Variants in FRMD4A observed in about 807,000 individuals in gnomAD.
The protein encoded by FRMD4A is FERM domain-containing protein 4A.
A neutral mutation model predicts 129.1 loss-of-function variants in FRMD4A; 29 were observed. The observed-to-expected ratio is 0.22, with a 90% confidence interval of 0.17 to 0.31. The LOEUF is 0.31. Ranked by LOEUF, FRMD4A falls within the 10% of genes least tolerant of loss-of-function variation. The pLI, the probability that FRMD4A is intolerant of heterozygous loss-of-function variation, is 1.00. For synonymous variants in FRMD4A, 634 were observed against 571.6 expected (o/e 1.11, Z -1.56); for missense variants, 1,272 against 1,375.8 (o/e 0.92, Z 1.19).
chr10:13,679,472 T>TACACACACACAC (rs1169130994), intron 15 of FRMD4A, among the ~76,000 whole-genome samples: 12 of 21,392 alleles, frequency 5.6e-4, no homozygotes, highest in East Asian at 5.8e-3. Flanking sequence ...TATATATATA[T>TACACACACACAC]ATACACACAC....
chr10:14,124,641 A>G (rs1473694866), intron 2 of FRMD4A, among the ~76,000 whole-genome samples: 8 of 152,208 alleles, frequency 5.3e-5, no homozygotes, highest in Non-Finnish European at 1.2e-4. Flanking sequence ...ATGCCACTGC[A>G]TTCCAGCCTG....
intron 2 of FRMD4A, among the ~76,000 whole-genome samples, chr10:14,275,636 T>A (rs1052615781): frequency 7.9e-5 from 12 of 152,246 alleles, no homozygotes; most frequent in African/African-American, 2.9e-4. Context: ...TTCTTATGTA[T>A]AACTAGACTT....
At chr10:13,979,271 G>T (rs972772173) in intron 2 of FRMD4A, among the ~76,000 whole-genome samples, 18 of 152,328 alleles carry the variant, frequency 1.2e-4, no homozygotes, top group Non-Finnish European at 2.2e-4. Flanking sequence ...AAGTTGTAAA[G>T]TGGGGGTCCT....
At position 14,174,337 on chromosome 10, in the gene FRMD4A, G is replaced by A. The variant is rs567296647; in HGVS notation, c.45+155721C>T. ...TCTCTCTTTCCATAATCTGCCTACA[G>A]CTCTCTGTGTACCCTGCTCACTTGA... On this transcript the variant is annotated intron_variant, in intron 2 of 24. Coordinates refer to ENST00000357447, the MANE Select transcript of FRMD4A (RefSeq NM_018027.5). Among the ~76,000 whole-genome samples the A allele has an allele frequency of 3.9e-5, 6 of 152,054 alleles. No homozygotes were observed. The South Asian group carries it at 1.3e-3, about 32-fold the overall frequency.
chr10:14,105,235 A>C (rs1325698722), intron 2 of FRMD4A, among the ~76,000 whole-genome samples: 1 of 152,154 alleles, frequency 6.6e-6, no homozygotes, highest in Non-Finnish European at 1.5e-5. Context: ...ATTGTCATTT[A>C]TAAGCTTGAA....
intron 17 of FRMD4A, among the ~76,000 whole-genome samples, chr10:13,668,715 G>T (rs1175065442): frequency 2.0e-5 from 3 of 152,142 alleles, no homozygotes; most frequent in African/African-American, 4.8e-5. Flanking sequence ...GGGTGTTGGG[G>T]GAACTCCCTA....
chr10:13,971,884 G>A (rs1472896277), intron 2 of FRMD4A: 1 of 1,286,678 alleles, frequency 7.8e-7, no homozygotes, highest in Non-Finnish European at 1.0e-6. Flanking sequence ...AAGTGCCAAT[G>A]TCAGTAAGAT....
In FRMD4A at chr10:14,203,382, T is replaced by C. The variant is rs554492868; in HGVS notation, c.45+126676A>G. Among the ~76,000 whole-genome samples, 21 of 152,294 alleles carry C rather than the reference T, an allele frequency of 1.4e-4. No homozygotes were observed. The South Asian group carries it at 4.4e-3, about 32-fold the overall frequency. On this transcript the variant is annotated intron_variant, in intron 2 of 24. Coordinates refer to ENST00000357447, the MANE Select transcript of FRMD4A (RefSeq NM_018027.5). ...TACATCGCTGTTTTGCAGTGGTTAA[T>C]GTAGAATGTTTTTGCAATATCACAC...
intron 2 of FRMD4A, among the ~76,000 whole-genome samples, chr10:14,197,258 C>T (rs757264294): frequency 1.2e-4 from 19 of 152,010 alleles, no homozygotes; most frequent in Non-Finnish European, 2.4e-4. Context: ...TGTGTTATGA[C>T]GAGGGGAACC....
intron 3 of FRMD4A, among the ~76,000 whole-genome samples, chr10:13,812,288 C>T (rs1253534005): frequency 1.3e-5 from 2 of 152,290 alleles, no homozygotes; most frequent in African/African-American, 2.4e-5. Flanking sequence ...GAAATGGGAC[C>T]TTTGGGAGAC....
chr10:14,167,984 G>A (rs912038239), intron 2 of FRMD4A, among the ~76,000 whole-genome samples: 1 of 152,206 alleles, frequency 6.6e-6, no homozygotes, highest in Non-Finnish European at 1.5e-5. Context: ...ACAAATGCAT[G>A]GTTCTTGGAT....
At chr10:14,228,328 CAT>C (rs1843518322) in intron 2 of FRMD4A, among the ~76,000 whole-genome samples, 1 of 152,176 alleles carries the variant, frequency 6.6e-6, no homozygotes, top group Non-Finnish European at 1.5e-5. Context: ...ATACAGTGAC[CAT>C]ATGTCCCCAC....
At chr10:13,674,573 C>T (rs2083804793) in intron 16 of FRMD4A, among the ~76,000 whole-genome samples, 1 of 152,150 alleles carries the variant, frequency 6.6e-6, no homozygotes. Flanking sequence ...TTTTTTCCAA[C>T]CCTTTAAGCA....
intron 2 of FRMD4A, among the ~76,000 whole-genome samples, chr10:13,878,023 C>T (rs2131109165): frequency 6.6e-6 from 1 of 152,240 alleles, no homozygotes; most frequent in South Asian, 2.1e-4. Flanking sequence ...CTGTCACAGA[C>T]AGTAACGTAG....
At chr10:14,035,693 G>A (rs186825816) in intron 2 of FRMD4A, among the ~76,000 whole-genome samples, 31 of 152,194 alleles carry the variant, frequency 2.0e-4, no homozygotes, top group Middle Eastern at 3.4e-3. Context: ...TCCCAGCCTC[G>A]ATCCAGCTGT....
At chr10:13,773,352 C>T (rs1208124428) in intron 6 of FRMD4A, among the ~76,000 whole-genome samples, 1 of 152,204 alleles carries the variant, frequency 6.6e-6, no homozygotes, top group Non-Finnish European at 1.5e-5. Flanking sequence ...ACTGCCAATA[C>T]AGCCCTTTCT....
At chr10:13,671,949 C>T (rs769808457) in intron 16 of FRMD4A, among the ~76,000 whole-genome samples, 16 of 152,264 alleles carry the variant, frequency 1.1e-4, no homozygotes, top group Non-Finnish European at 2.2e-4. Flanking sequence ...CCATCATCTA[C>T]ACAGAAAGCT....
chr10:14,329,138 C>G (rs1434732682), intron 2 of FRMD4A, among the ~76,000 whole-genome samples: 1 of 152,214 alleles, frequency 6.6e-6, no homozygotes, highest in Non-Finnish European at 1.5e-5. Flanking sequence ...GTTGCATTTC[C>G]CCTCCTCATT....
chr10:13,977,620 C>T (rs2095546507), intron 2 of FRMD4A, among the ~76,000 whole-genome samples: 1 of 152,172 alleles, frequency 6.6e-6, no homozygotes, highest in South Asian at 2.1e-4. Context: ...ATTTTCATCC[C>T]CCAAAAGAAA....
Sources: gnomAD v4.1 joint callset for allele counts (sites outside exome capture counted in the v4.1 genomes callset) on GRCh38, gnomAD v4.1.1 for gene constraint, MANE v1.5 for transcripts, NCBI Gene and HGNC (gene_info 2026-07-23, HGNC 2026-07-21) for gene names.